Variants in ROBO2 observed in about 807,000 individuals in gnomAD.
ROBO2 encodes the protein roundabout homolog 2.
A neutral mutation model predicts 160.8 loss-of-function variants in ROBO2; 53 were observed. That is an observed-to-expected ratio of 0.33 (90% CI 0.26 to 0.41). The LOEUF is 0.41. Ranked by LOEUF, ROBO2 falls within the 10% of genes least tolerant of loss-of-function variation. The pLI, the probability that ROBO2 is intolerant of heterozygous loss-of-function variation, is 1.00. For synonymous variants in ROBO2, 664 were observed against 611.7 expected, an observed-to-expected ratio of 1.09 and a Z score of -1.26; for missense variants, 1,577 against 1,722.4, an observed-to-expected ratio of 0.92 and a Z score of 1.49.
At chr3:76,951,229 ATTAT>A (rs2078935971) in intron 2 of ROBO2, among the ~76,000 whole-genome samples, 1 of 152,146 alleles carries the variant, frequency 6.6e-6, no homozygotes, top group Non-Finnish European at 1.5e-5. Context: ...TTCTCTCCCC[ATTAT>A]TTAAGAACTA....
intron 2 of ROBO2, among the ~76,000 whole-genome samples, chr3:76,951,499 C>T (rs2078951351): frequency 6.6e-6 from 1 of 152,148 alleles, no homozygotes; most frequent in African/African-American, 2.4e-5. Flanking sequence ...CAAAAGTGAA[C>T]TCAAAGTTAT....
intron 2 of ROBO2, among the ~76,000 whole-genome samples, chr3:76,331,383 T>C (rs532875894): frequency 1.3e-5 from 2 of 152,316 alleles, no homozygotes; most frequent in South Asian, 4.1e-4. Context: ...TTCCAGTTTA[T>C]CGTCTGAAAC....
At chr3:76,304,712 TTC>T (rs1374407323) in intron 2 of ROBO2, among the ~76,000 whole-genome samples, 13 of 129,646 alleles carry the variant, frequency 1.0e-4, no homozygotes, top group African/African-American at 3.0e-4. Flanking sequence ...TTTATTTTCT[TTC>T]TCTTTCTTTC....
chr3:77,112,305 G>A (rs1424959541), intron 2 of ROBO2, among the ~76,000 whole-genome samples: 1 of 151,356 alleles, frequency 6.6e-6, no homozygotes, highest in Non-Finnish European at 1.5e-5. Context: ...GTGAGGTGGC[G>A]CGATCTTGGC....
intron 2 of ROBO2, among the ~76,000 whole-genome samples, chr3:76,975,958 A>G (rs1351226951): frequency 1.3e-5 from 2 of 152,194 alleles, no homozygotes; most frequent in Non-Finnish European, 2.9e-5. Flanking sequence ...ATTAATGACC[A>G]TGGAATAGAC....
At chr3:77,033,594 G>GA (rs2149568333) in intron 2 of ROBO2, among the ~76,000 whole-genome samples, 1 of 152,102 alleles carries the variant, frequency 6.6e-6, no homozygotes, top group Non-Finnish European at 1.5e-5. Context: ...CAACAATAAG[G>GA]AAACAAAATA....
chr3:76,945,477 C>T (rs933288000), intron 2 of ROBO2, among the ~76,000 whole-genome samples: 4 of 152,116 alleles, frequency 2.6e-5, no homozygotes, highest in African/African-American at 7.2e-5. Context: ...TAGTTTTTAT[C>T]CCATTTTGAA....
chr3:76,742,605 A>G (rs571731026), intron 2 of ROBO2, among the ~76,000 whole-genome samples: 3 of 152,288 alleles, frequency 2.0e-5, no homozygotes, highest in African/African-American at 7.2e-5. Flanking sequence ...TAATTTTAAG[A>G]CTGATTTTTC....
chr3:76,995,166 T>C (rs2060922410), intron 2 of ROBO2, among the ~76,000 whole-genome samples: 1 of 149,392 alleles, frequency 6.7e-6, no homozygotes, highest in African/African-American at 2.5e-5. Flanking sequence ...GTTCTCATTG[T>C]TCAATTCCCA....
intron 2 of ROBO2, among the ~76,000 whole-genome samples, chr3:76,646,763 A>C (rs2090990185): frequency 6.6e-6 from 1 of 152,202 alleles, no homozygotes; most frequent in Non-Finnish European, 1.5e-5. Flanking sequence ...GGTTTGTCTA[A>C]GGCACCAAAC....
intron 2 of ROBO2, among the ~76,000 whole-genome samples, chr3:77,252,823 A>ATATATATATAT (rs1396495117): frequency 7.4e-5 from 3 of 40,618 alleles, no homozygotes; most frequent in Non-Finnish European, 1.4e-4. Flanking sequence ...AAAAAAAAAA[A>ATATATATATAT]AAAAAAAAAT....
chr3:77,433,953 A>G (rs1011096795), intron 2 of ROBO2, among the ~76,000 whole-genome samples: 1 of 152,100 alleles, frequency 6.6e-6, no homozygotes, highest in Non-Finnish European at 1.5e-5. Flanking sequence ...TCATACTGCC[A>G]TCACTCTCGT....
chr3:77,505,739 C>T (rs1273826720), intron 5 of ROBO2, among the ~76,000 whole-genome samples: 11 of 151,942 alleles, frequency 7.2e-5, no homozygotes, highest in African/African-American at 2.7e-4. Context: ...ATTTAATCTT[C>T]TCAATTTTCT....
rs867390229 is a variant in ROBO2 at position 76,050,069 on chromosome 3, C to G, written c.109+112467C>G. On this transcript the variant is annotated intron_variant, in intron 2 of 26. Transcript: ENST00000487694. ...TGATTGGATTGAAAGACGCAAATAA[C>G]TGTTCCTGGGTGTGTCTTTGAGGGT... Among the ~76,000 whole-genome samples the G allele has an allele frequency of 8.5e-5, 13 of 152,110 alleles. No homozygotes were observed. The South Asian group carries it at 2.7e-3, about 32-fold the overall frequency.
At chr3:76,861,534 C>T in intron 2 of ROBO2, among the ~76,000 whole-genome samples, 1 of 152,146 alleles carries the variant, frequency 6.6e-6, no homozygotes, top group Non-Finnish European at 1.5e-5. Context: ...CTGTTCTTTG[C>T]TCTTATCTCC....
At chr3:76,840,175 A>G (rs926672939) in intron 2 of ROBO2, among the ~76,000 whole-genome samples, 8 of 151,786 alleles carry the variant, frequency 5.3e-5, no homozygotes, top group Middle Eastern at 3.4e-3. Context: ...TTTAATTTCA[A>G]TTTAATGTAT....
At chr3:76,601,091 C>A (rs567638930) in intron 2 of ROBO2, among the ~76,000 whole-genome samples, 1 of 152,310 alleles carries the variant, frequency 6.6e-6, no homozygotes, top group East Asian at 1.9e-4. Flanking sequence ...CCTTTGACTC[C>A]ATGTCTCACA....
chr3:75,972,477 C>T (rs1184754854), intron 2 of ROBO2, among the ~76,000 whole-genome samples: 3 of 151,606 alleles, frequency 2.0e-5, no homozygotes, highest in Non-Finnish European at 4.4e-5. Flanking sequence ...TGGATGGCAT[C>T]TTGAAAGAAA....
intron 1 of ROBO2, among the ~76,000 whole-genome samples, chr3:77,069,349 C>T (rs1250537891): frequency 2.6e-5 from 4 of 152,004 alleles, no homozygotes; most frequent in Non-Finnish European, 4.4e-5. Flanking sequence ...GCAAAGAAGT[C>T]GATTGGGATC....
Sources: allele counts gnomAD v4.1 joint callset (sites outside exome capture counted in the v4.1 genomes callset), GRCh38; gene constraint gnomAD v4.1.1; transcripts MANE v1.5; gene names NCBI Gene and HGNC (gene_info 2026-07-23, HGNC 2026-07-21).